ZFYVE9: variants seen among roughly 807,000 people sequenced by gnomAD.
ZFYVE9 encodes the protein zinc finger FYVE domain-containing protein 9.
In ZFYVE9, 43 loss-of-function variants were observed where a neutral mutation model predicts 126.7. The ratio of observed to expected loss-of-function variants is 0.34; its 90% CI spans 0.27 to 0.44. The LOEUF (loss-of-function observed/expected upper bound fraction) is 0.44, where lower values mean the gene tolerates loss of function less well. Ranked by LOEUF, ZFYVE9 falls within the 20% of genes least tolerant of loss-of-function variation. The pLI, the probability that ZFYVE9 is intolerant of heterozygous loss-of-function variation, is 1.00. For missense variants in ZFYVE9, 1,476 were observed against 1,697.0 expected, an observed-to-expected ratio of 0.87 and a Z score of 2.29; for synonymous variants, 521 against 597.4, an observed-to-expected ratio of 0.87 and a Z score of 1.87.
intron 8 of ZFYVE9, among the ~76,000 whole-genome samples, chr1:52,275,335 T>C (rs1645734944): frequency 6.6e-6 from 1 of 152,222 alleles, no homozygotes; most frequent in African/African-American, 2.4e-5. Context: ...TTGTGAATAG[T>C]GCTGCGGTGA....
chr1:52,303,955 A>G (rs768633309), intron 13 of ZFYVE9, 30 bp downstream of exon 13: 17 of 1,505,184 alleles, frequency 1.1e-5, no homozygotes, highest in East Asian at 2.4e-5. Context: ...CGTATTTTTC[A>G]TAGTTGAAAA....
rs749053168 is a variant in ZFYVE9, at chr1:52,238,645, A to G, written c.1228A>G (p.Met410Val). The change falls in exon 4 of 19, where the codon ATG becomes GTG. Residue 410 changes from methionine to valine, a missense_variant. This residue lies in a region of ZFYVE9 where 807 missense variants were observed against 794.6 expected (regional missense o/e 1.02). Coordinates refer to ENST00000287727, the MANE Select transcript of ZFYVE9 (RefSeq NM_004799.4). Reference protein sequence around the residue: ...TNWKLTKLNEMNDSQVNEEKE... With the variant: ...TNWKLTKLNEVNDSQVNEEKE... ...TTGGAAGTTGACTAAACTAAATGAG[A>G]TGAATGATAGCCAAGTAAACGAAGA... 1.9e-6 allele frequency: 3 copies of G among 1,614,118 alleles called. No homozygotes were observed. In the South Asian group the frequency reaches 3.3e-5, roughly 18 times the overall value.
chr1:52,179,234 G>C (rs962753282), intron 1 of ZFYVE9, among the ~76,000 whole-genome samples: 1 of 152,162 alleles, frequency 6.6e-6, no homozygotes, highest in Non-Finnish European at 1.5e-5. Context: ...AGACATACTA[G>C]GTTTTAGGGA....
At chr1:52,159,882 G>A (rs1418804498) in intron 1 of ZFYVE9, among the ~76,000 whole-genome samples, 3 of 151,280 alleles carry the variant, frequency 2.0e-5, no homozygotes, top group African/African-American at 7.3e-5. Context: ...TGCAAGCTCC[G>A]CCTCCCAGGT....
At chr1:52,214,666 A>AG (rs1488899455) in intron 1 of ZFYVE9, among the ~76,000 whole-genome samples, 1 of 151,798 alleles carries the variant, frequency 6.6e-6, no homozygotes, top group African/African-American at 2.4e-5. Flanking sequence ...TAGTATATGG[A>AG]GGGGTGTGTG....
chr1:52,281,064 A>C (rs920418534), intron 9 of ZFYVE9, among the ~76,000 whole-genome samples: 1 of 151,892 alleles, frequency 6.6e-6, no homozygotes, highest in African/African-American at 2.4e-5. Context: ...AATAGGAGTT[A>C]AAAGTTTTAA....
intron 4 of ZFYVE9, among the ~76,000 whole-genome samples, chr1:52,253,014 G>A (rs1419831901): frequency 6.6e-6 from 1 of 152,170 alleles, no homozygotes; most frequent in East Asian, 1.9e-4. Flanking sequence ...AGGAATTCTA[G>A]ACCAGCCTGG....
intron 13 of ZFYVE9, among the ~76,000 whole-genome samples, chr1:52,323,298 A>G (rs1018683521): frequency 5.3e-5 from 8 of 152,128 alleles, no homozygotes; most frequent in East Asian, 1.9e-4. Flanking sequence ...TGACTCTCCT[A>G]TTTAAAATTG....
At chr1:52,286,602 T>G (rs1440373146) in intron 10 of ZFYVE9, among the ~76,000 whole-genome samples, 2 of 152,220 alleles carry the variant, frequency 1.3e-5, no homozygotes, top group African/African-American at 4.8e-5. Context: ...CTGTCTCCTA[T>G]TCATTCCTCC....
chr1:52,234,029 C>T (rs1458075444), intron 3 of ZFYVE9, among the ~76,000 whole-genome samples: 1 of 152,166 alleles, frequency 6.6e-6, no homozygotes, highest in Non-Finnish European at 1.5e-5. Context: ...AGTCCTCCCT[C>T]CTCAGCCGCC....
At chr1:52,196,291 A>G (rs1410208939) in intron 1 of ZFYVE9, among the ~76,000 whole-genome samples, 2 of 152,170 alleles carry the variant, frequency 1.3e-5, no homozygotes, top group African/African-American at 4.8e-5. Flanking sequence ...TGGTTCTTTT[A>G]AGGAGTCTTG....
intron 4 of ZFYVE9, among the ~76,000 whole-genome samples, chr1:52,245,026 CA>C (rs1346802081): frequency 6.6e-6 from 1 of 151,912 alleles, no homozygotes; most frequent in Non-Finnish European, 1.5e-5. Context: ...GGCGTGGTGG[CA>C]GGGGCCTGTA....
rs374610721 is a variant in ZFYVE9, at chr1:52,174,071, T to C, written c.-143+31668T>C. ...CTTTTGAATGTGTTTGCTCTTGCTT[T>C]TCTAGTTCTTTTAATTGTGATGTTA... is the stretch of plus-strand genomic sequence containing the variant. On this transcript the variant is annotated intron_variant, in intron 1 of 18. Transcript: ENST00000287727. Among the ~76,000 whole-genome samples, 26 of 150,500 alleles carry C rather than the reference T, an allele frequency of 1.7e-4. No individual in the cohort carries two copies. The South Asian group carries it at 5.3e-3, about 31-fold the overall frequency.
chr1:52,152,537 G>A (rs1050729570), intron 1 of ZFYVE9, among the ~76,000 whole-genome samples: 1 of 151,972 alleles, frequency 6.6e-6, no homozygotes, highest in Non-Finnish European at 1.5e-5. Flanking sequence ...TTTTTTTCTA[G>A]TATATATCCT....
At chr1:52,195,804 T>C (rs928448052) in intron 1 of ZFYVE9, among the ~76,000 whole-genome samples, 19 of 151,796 alleles carry the variant, frequency 1.3e-4, no homozygotes, top group African/African-American at 3.9e-4. Context: ...TTTTTTTTTT[T>C]CCCTCCAAGG....
chr1:52,326,021 G>A (rs1034735242), intron 13 of ZFYVE9, among the ~76,000 whole-genome samples: 7 of 152,232 alleles, frequency 4.6e-5, no homozygotes, highest in African/African-American at 1.7e-4. Flanking sequence ...GGGAGGTAAA[G>A]CTCGTGCTGT....
At chr1:52,145,567 A>G (rs1285275744) in intron 1 of ZFYVE9, among the ~76,000 whole-genome samples, 1 of 152,162 alleles carries the variant, frequency 6.6e-6, no homozygotes, top group Non-Finnish European at 1.5e-5. Context: ...TGAGTTTCTT[A>G]TGTACTATTG....
chr1:52,270,449 A>G (rs1234455666), intron 7 of ZFYVE9, among the ~76,000 whole-genome samples: 2 of 152,016 alleles, frequency 1.3e-5, no homozygotes, highest in Non-Finnish European at 2.9e-5. Flanking sequence ...TATTTTTAGT[A>G]GAGATGGGGT....
chr1:52,321,099 C>T (rs1200504478), intron 13 of ZFYVE9, among the ~76,000 whole-genome samples: 1 of 152,136 alleles, frequency 6.6e-6, no homozygotes, highest in Non-Finnish European at 1.5e-5. Flanking sequence ...AATTCTCCAT[C>T]TTGTATAGGA....
Sources: gnomAD v4.1 joint callset for allele counts (sites outside exome capture counted in the v4.1 genomes callset) on GRCh38, gnomAD v4.1.1 for gene constraint, gnomAD v4.1.1 regional missense constraint, MANE v1.5 for transcripts, NCBI Gene and HGNC (gene_info 2026-07-23, HGNC 2026-07-21) for gene names.